The following ST8SIA1 variants were observed in gnomAD, a reference collection of about 807,000 sequenced individuals.
ST8SIA1 encodes alpha-N-acetylneuraminide alpha-2,8-sialyltransferase.
A neutral mutation model predicts 35.9 loss-of-function variants in ST8SIA1; 16 were observed. That is an observed-to-expected ratio of 0.45 (90% CI 0.30 to 0.68). The LOEUF (loss-of-function observed/expected upper bound fraction) is 0.68. ST8SIA1 is among the 30% of genes least tolerant of loss of function. The pLI is 0.09. For synonymous variants in ST8SIA1, 170 were observed against 169.6 expected, an observed-to-expected ratio of 1.00 and a Z score of -0.02; for missense variants, 383 against 453.6, an observed-to-expected ratio of 0.84 and a Z score of 1.41.
At chr12:22,322,047 G>C (rs969762725) in intron 1 of ST8SIA1, among the ~76,000 whole-genome samples, 6 of 152,212 alleles carry the variant, frequency 3.9e-5, no homozygotes, top group Non-Finnish European at 7.3e-5. Context: ...GCATAGGTTA[G>C]CAAGAGTCCA....
At chr12:22,281,963 C>G (rs1004312973) in intron 2 of ST8SIA1, among the ~76,000 whole-genome samples, 1 of 151,888 alleles carries the variant, frequency 6.6e-6, no homozygotes, top group Non-Finnish European at 1.5e-5. Flanking sequence ...GAGCCATGAT[C>G]GTGCCACTGC....
At chr12:22,230,451 A>G (rs1865406780) in intron 4 of ST8SIA1, among the ~76,000 whole-genome samples, 1 of 152,162 alleles carries the variant, frequency 6.6e-6, no homozygotes. Flanking sequence ...AGCCCTAGGA[A>G]TAACTAGCTG....
intron 4 of ST8SIA1, among the ~76,000 whole-genome samples, chr12:22,247,881 G>A (rs566558541): frequency 1.3e-4 from 19 of 151,878 alleles, no homozygotes; most frequent in East Asian, 1.9e-4. Context: ...AAAGCAAGTC[G>A]AAAGTAGGCA....
chr12:22,210,971 T>C (rs1298211213), intron 4 of ST8SIA1, among the ~76,000 whole-genome samples: 1 of 152,224 alleles, frequency 6.6e-6, no homozygotes, highest in Non-Finnish European at 1.5e-5. Flanking sequence ...TGCCACTTTC[T>C]GCGTGTCATT....
At chr12:22,262,777 G>C (rs973489517) in intron 2 of ST8SIA1, among the ~76,000 whole-genome samples, 1 of 152,210 alleles carries the variant, frequency 6.6e-6, no homozygotes, top group Non-Finnish European at 1.5e-5. Context: ...CTTTGTGAGA[G>C]GCTGCCTTTG....
intron 3 of ST8SIA1, among the ~76,000 whole-genome samples, chr12:22,252,226 G>C (rs548403278): frequency 6.6e-6 from 1 of 152,266 alleles, no homozygotes; most frequent in South Asian, 2.1e-4. Flanking sequence ...GTATATCACT[G>C]TGTACAGGCA....
At chr12:22,285,755 AG>A (rs1351057361) in intron 2 of ST8SIA1, among the ~76,000 whole-genome samples, 1 of 151,760 alleles carries the variant, frequency 6.6e-6, no homozygotes, top group Non-Finnish European at 1.5e-5. Flanking sequence ...CTGTGATCCC[AG>A]CTACTCAGGA....
At chr12:22,234,461 T>C (rs1865453904) in intron 4 of ST8SIA1, among the ~76,000 whole-genome samples, 1 of 152,164 alleles carries the variant, frequency 6.6e-6, no homozygotes, top group South Asian at 2.1e-4. Flanking sequence ...TGCACACATC[T>C]TAGTAACTAC....
At chr12:22,214,794 C>T (rs1379625898) in intron 4 of ST8SIA1, among the ~76,000 whole-genome samples, 1 of 152,174 alleles carries the variant, frequency 6.6e-6, no homozygotes, top group Non-Finnish European at 1.5e-5. Flanking sequence ...AAGATTCTTG[C>T]TTAATGCATG....
intron 4 of ST8SIA1, among the ~76,000 whole-genome samples, chr12:22,229,054 CAAA>C (rs11463657): frequency 9.8e-6 from 1 of 101,940 alleles, no homozygotes; most frequent in African/African-American, 3.9e-5. Context: ...ACTCCATCTC[CAAA>C]AAAAAAAAAA....
At chr12:22,264,754 C>G (rs182915420) in intron 2 of ST8SIA1, among the ~76,000 whole-genome samples, 2 of 152,120 alleles carry the variant, frequency 1.3e-5, no homozygotes, top group South Asian at 4.1e-4. Context: ...TTTCCTACCA[C>G]TCAAGGACTT....
intron 4 of ST8SIA1, among the ~76,000 whole-genome samples, chr12:22,231,348 T>C (rs960240351): frequency 1.3e-5 from 2 of 151,398 alleles, no homozygotes; most frequent in Non-Finnish European, 2.9e-5. Context: ...GGTAAGAGAC[T>C]AATAATTTTA....
chr12:22,285,877 C>CAAA (rs1398352110), intron 2 of ST8SIA1, among the ~76,000 whole-genome samples: 3 of 103,628 alleles, frequency 2.9e-5, no homozygotes, highest in Non-Finnish European at 3.8e-5. Context: ...CTGTCAAAAA[C>CAAA]AAAAAAAAAA....
At chr12:22,313,539 G>A (rs1327807975) in intron 1 of ST8SIA1, among the ~76,000 whole-genome samples, 1 of 152,032 alleles carries the variant, frequency 6.6e-6, no homozygotes, top group Non-Finnish European at 1.5e-5. Flanking sequence ...CAAAGGGCCT[G>A]GATAAACATT....
chr12:22,288,570 C>A (rs1279785481), intron 1 of ST8SIA1, among the ~76,000 whole-genome samples: 1 of 152,124 alleles, frequency 6.6e-6, no homozygotes, highest in Non-Finnish European at 1.5e-5. Flanking sequence ...CCTCAGCCTG[C>A]GGGGGAGGTG....
chr12:22,258,813 A>G (rs774164612), intron 2 of ST8SIA1, among the ~76,000 whole-genome samples: 10 of 152,206 alleles, frequency 6.6e-5, no homozygotes, highest in Non-Finnish European at 1.0e-4. Flanking sequence ...TAGGCTGGCA[A>G]TTCCAGGTTT....
Position 22,317,781 on chromosome 12 carries a change from G to A in ST8SIA1, c.236+16216C>T, listed in dbSNP as rs953000072. Among the ~76,000 whole-genome samples the A allele has an allele frequency of 1.1e-4, 17 of 152,142 alleles. No homozygotes were observed. In the East Asian group the frequency reaches 1.2e-3, roughly 10 times the overall value. ...GAGTCACTAAACGCAGCCTCCACTCGGAGACAGATGACACAAGGGCATGAA... is the reference window on the plus strand; with the variant it reads ...GAGTCACTAAACGCAGCCTCCACTCAGAGACAGATGACACAAGGGCATGAA... On this transcript the variant is annotated intron_variant, in intron 1 of 4. Coordinates refer to ENST00000396037, the MANE Select transcript of ST8SIA1 (RefSeq NM_003034.4).
At chr12:22,229,275 G>A (rs1865389834) in intron 4 of ST8SIA1, among the ~76,000 whole-genome samples, 1 of 152,088 alleles carries the variant, frequency 6.6e-6, no homozygotes, top group Non-Finnish European at 1.5e-5. Flanking sequence ...GATATTAACA[G>A]TGTTTGTAGA....
intron 2 of ST8SIA1, among the ~76,000 whole-genome samples, chr12:22,285,871 C>CAAAAAAAAAAA (rs1264234503): frequency 2.1e-5 from 2 of 94,950 alleles, no homozygotes; most frequent in African/African-American, 9.2e-5. Context: ...AAGACTCTGT[C>CAAAAAAAAAAA]AAAAACAAAA....
Sources: allele counts gnomAD v4.1 joint callset (sites outside exome capture counted in the v4.1 genomes callset), GRCh38; gene constraint gnomAD v4.1.1; transcripts MANE v1.5; gene names NCBI Gene and HGNC (gene_info 2026-07-23, HGNC 2026-07-21).